The following MYO5A variants were observed in gnomAD, a reference collection of about 807,000 sequenced individuals.
The protein encoded by MYO5A is unconventional myosin-Va.
Under a neutral mutation model 249.7 loss-of-function variants are expected in MYO5A, and 98 were observed. The ratio of observed to expected loss-of-function variants is 0.39; its 90% CI spans 0.33 to 0.46. The LOEUF (loss-of-function observed/expected upper bound fraction) is 0.46, where lower values mean the gene tolerates loss of function less well. MYO5A is among the 20% of genes least tolerant of loss of function. The pLI is 0.98. For missense variants in MYO5A, 1,696 were observed against 2,308.8 expected (o/e 0.73, Z 5.44); for synonymous variants, 778 against 810.6 (o/e 0.96, Z 0.68).
chr15:52,391,858 T>G, intron 12 of MYO5A, 72 bp downstream of exon 12: 1 of 1,499,562 alleles, frequency 6.7e-7, no homozygotes, highest in Non-Finnish European at 9.2e-7. Context: ...GAATCTCTCC[T>G]TGAACCCACT....
At chr15:52,450,414 C>T (rs1197469655) in intron 1 of MYO5A, among the ~76,000 whole-genome samples, 1 of 151,850 alleles carries the variant, frequency 6.6e-6, no homozygotes, top group Non-Finnish European at 1.5e-5. Context: ...CGCCTGTAAT[C>T]CCAGCACTTT....
intron 1 of MYO5A, among the ~76,000 whole-genome samples, chr15:52,516,747 T>A (rs114804220): frequency 0.022 from 3,401 of 152,336 alleles, 135 homozygotes; most frequent in African/African-American, 0.078. Context: ...GGTTCTCAAC[T>A]GTCCCCGAAA....
At chr15:52,447,871 A>G (rs1333100093) in intron 1 of MYO5A, among the ~76,000 whole-genome samples, 2 of 152,234 alleles carry the variant, frequency 1.3e-5, no homozygotes, top group Non-Finnish European at 2.9e-5. Context: ...TAAGCAGCAA[A>G]GTGTTCAAGA....
intron 1 of MYO5A, chr15:52,505,168 C>T: frequency 1.3e-6 from 1 of 745,802 alleles, no homozygotes; most frequent in Non-Finnish European, 2.5e-6. Flanking sequence ...ACATGGAGAA[C>T]TCTCAGATAC....
chr15:52,416,421 G>A, intron 4 of MYO5A, 120 bp from the exon 5 acceptor site: 2 of 1,019,606 alleles, frequency 2.0e-6, no homozygotes, highest in Middle Eastern at 2.9e-4. Context: ...GGTCGATACT[G>A]GTGCTTATAA....
At chr15:52,406,642 GT>G (rs3838858) in intron 8 of MYO5A, among the ~76,000 whole-genome samples, 24 of 149,846 alleles carry the variant, frequency 1.6e-4, no homozygotes, top group African/African-American at 3.2e-4. Flanking sequence ...ATATTCTGAG[GT>G]TTTTTTTTTC....
intron 4 of MYO5A, among the ~76,000 whole-genome samples, chr15:52,417,314 GCAAAGAAATTTAAATTTA>G (rs1486250285): frequency 6.6e-6 from 1 of 152,092 alleles, no homozygotes; most frequent in Admixed American, 6.5e-5. Flanking sequence ...TGAAGCCACA[GCAAAGAAATTTAAATTTA>G]CAAAGAAATT....
chr15:52,526,906 T>C (rs1184672716), intron 1 of MYO5A, among the ~76,000 whole-genome samples: 1 of 152,230 alleles, frequency 6.6e-6, no homozygotes, highest in African/African-American at 2.4e-5. Flanking sequence ...CAAAGATGAC[T>C]GCTCACCATA....
chr15:52,505,694 T>C lies in MYO5A; in HGVS notation c.27+23086A>G, dbSNP rs186826539. 1.0e-5 allele frequency: 13 copies of C among 1,277,320 alleles called. No homozygotes were observed. The African/African-American group carries it at 1.3e-4, about 13-fold the overall frequency. The allele number at this position is 1,277,320 out of a possible 1,614,324, so 79.1% of individuals were successfully genotyped here. A position where few individuals can be genotyped will look rare whatever the true frequency, so the allele number is the denominator to read the frequency against. On this transcript the variant is annotated intron_variant, in intron 1 of 41. Coordinates refer to ENST00000399233, the MANE Select transcript of MYO5A (RefSeq NM_001382347.1). ...GTCAGAAGCATTCAAGCAGACGTCTTAGTCTGGGACTCATCTAAACTAGTT... is the reference window on the plus strand; with the variant it reads ...GTCAGAAGCATTCAAGCAGACGTCTCAGTCTGGGACTCATCTAAACTAGTT...
chr15:52,324,578 T>G (rs1321185380), intron 36 of MYO5A, among the ~76,000 whole-genome samples: 1 of 152,214 alleles, frequency 6.6e-6, no homozygotes, highest in East Asian at 1.9e-4. Context: ...AATTTTTTTT[T>G]GCATGAAATC....
chr15:52,313,792 G>A lies in MYO5A; in HGVS notation c.5547C>T (p.Ile1849=), dbSNP rs2037860452. ...GGTTGAAAGGAAAGGTGACAGGAAA[G>A]ATGTGTTTAGCATCCATGAGCAGCT... ...SPQLLMDAKH[I]FPVTFPFNPS... The change falls in exon 42 of 42, where the codon ATC becomes ATT. Residue 1849 remains isoleucine, a synonymous_variant. Transcript: ENST00000399233. The A allele has an allele frequency of 1.2e-6, 2 of 1,614,120 alleles. No individual in the cohort carries two copies. The highest frequency in any genetic ancestry group is 4.5e-5 in the East Asian group (2 of 44,878).
chr15:52,462,115 A>T (rs2076263219), intron 1 of MYO5A, among the ~76,000 whole-genome samples: 2 of 150,150 alleles, frequency 1.3e-5, no homozygotes, highest in African/African-American at 4.9e-5. Context: ...AATACAAAAA[A>T]ATTAGCCAGG....
intron 9 of MYO5A, among the ~76,000 whole-genome samples, chr15:52,403,485 T>C (rs892410793): frequency 3.9e-5 from 6 of 152,228 alleles, no homozygotes; most frequent in African/African-American, 1.4e-4. Context: ...TTATATGAAA[T>C]GTCCAGAACA....
intron 36 of MYO5A, chr15:52,323,855 T>G: frequency 3.8e-6 from 1 of 264,408 alleles, no homozygotes; most frequent in Non-Finnish European, 7.4e-6. Context: ...AATACAAAAA[T>G]TAGCTGGGTG....
rs2039958175 is a variant in MYO5A at position 52,351,607 on chromosome 15, GCTTC to G, written c.3622-130_3622-127del. ...TTCATCAGAGTTACCCTAGTGAATG[GCTTC>G]CTAGGTTCTGCCAGGAGCCCTGCTT... On this transcript the variant is annotated intron_variant, in intron 27 of 41. Coordinates refer to ENST00000399233, the MANE Select transcript of MYO5A (RefSeq NM_001382347.1). The G allele has an allele frequency of 3.3e-6, 3 of 901,732 alleles. No individual in the cohort carries two copies. The East Asian group carries it at 7.4e-5, about 22-fold the overall frequency. 55.9% of individuals were successfully genotyped at this position (901,732 alleles called of 1,614,324 possible). A position where few individuals can be genotyped will look rare whatever the true frequency, so the allele number is the denominator to read the frequency against.
chr15:52,327,764 G>T, intron 36 of MYO5A, 88 bp downstream of exon 36: 1 of 1,347,532 alleles, frequency 7.4e-7, no homozygotes, highest in Non-Finnish European at 1.1e-6. Context: ...AAGCAACTTA[G>T]CTAAACTCTA....
chr15:52,325,219 A>G (rs944177579), intron 36 of MYO5A, among the ~76,000 whole-genome samples: 1 of 152,100 alleles, frequency 6.6e-6, no homozygotes, highest in Non-Finnish European at 1.5e-5. Flanking sequence ...ACCAATCTAG[A>G]CTGTCTTCAC....
rs1198078729 is a variant in MYO5A at position 52,319,109 on chromosome 15, G to A, written c.5185C>T (p.Leu1729Phe). The change falls in exon 39 of 42, where the codon CTT becomes TTT. Residue 1729 changes from leucine to phenylalanine, a missense_variant. Leu to Phe is a conservative substitution (Grantham distance 22). Around this residue, in one of 5 missense-constraint regions of MYO5A, gnomAD observed 625 missense variants for 908.1 expected, o/e 0.69. Transcript: ENST00000399233. ...YIIGAITLNN[L>F]LLRKDMCSWS... ...GAGCACATGTCCTTCCGCAGGAGAA[G>A]GTTGTTCAGGGTGATGGCCCCTATG... The A allele has an allele frequency of 6.2e-7, 1 of 1,614,250 alleles. No individual in the cohort carries two copies. The highest frequency in any genetic ancestry group is 1.1e-5 in the South Asian group (1 of 91,090).
chr15:52,317,585 G>C (rs74564529), intron 39 of MYO5A, among the ~76,000 whole-genome samples: 5,594 of 152,312 alleles, frequency 0.037, 345 homozygotes, highest in African/African-American at 0.13. Flanking sequence ...CAATTTCAGA[G>C]CTGGGTTGCT....
Sources: gnomAD v4.1 joint callset for allele counts (sites outside exome capture counted in the v4.1 genomes callset) on GRCh38, gnomAD v4.1.1 for gene constraint, gnomAD v4.1.1 regional missense constraint, MANE v1.5 for transcripts, NCBI Gene and HGNC (gene_info 2026-07-23, HGNC 2026-07-21) for gene names.